Variants in SLCO1B1 observed in about 807,000 individuals in gnomAD.
The protein encoded by SLCO1B1 is OATP-2.
A neutral mutation model predicts 70.1 loss-of-function variants in SLCO1B1; 81 were observed. That is an observed-to-expected ratio of 1.16 (90% CI 0.97 to 1.39). The LOEUF is 1.39. Ranked by LOEUF, SLCO1B1 falls within the 40% of genes most tolerant of loss-of-function variation. The probability of loss-of-function intolerance (pLI) is 0.00; values close to 1 mark genes in which losing one functional copy is unlikely to be tolerated. For synonymous variants in SLCO1B1, 283 were observed against 271.5 expected (o/e 1.04, Z -0.42); for missense variants, 895 against 799.6 (o/e 1.12, Z -1.44).
At chr12:21,210,527 G>T (rs1941270484) in intron 11 of SLCO1B1, among the ~76,000 whole-genome samples, 1 of 118,380 alleles carries the variant, frequency 8.4e-6, no homozygotes, top group Admixed American at 8.2e-5. Context: ...TTTGGCTTAG[G>T]ATTGACTTGG....
intron 1 of SLCO1B1, among the ~76,000 whole-genome samples, chr12:21,137,075 T>C (rs553135041): frequency 2.9e-4 from 44 of 152,318 alleles, no homozygotes; most frequent in African/African-American, 1.1e-3. Flanking sequence ...TGCAGGTCTG[T>C]TAGAGTTTGC....
At chr12:21,215,604 C>CCTATATGCAT (rs2121176822) in intron 11 of SLCO1B1, among the ~76,000 whole-genome samples, 1 of 152,156 alleles carries the variant, frequency 6.6e-6, no homozygotes, top group Admixed American at 6.5e-5. Flanking sequence ...GAATTTTGCA[C>CCTATATGCAT]CTATATGCAT....
At position 21,224,872 on chromosome 12, in the gene SLCO1B1, T is replaced by C. The variant is rs142284263; in HGVS notation, c.1865+33T>C. Reference sequence around the variant, plus strand: ...GTCATAAATATATTTCATTATTTTTTCTTTGACTATATTAATTCCTAAAAA... The same window carrying C: ...GTCATAAATATATTTCATTATTTTTCCTTTGACTATATTAATTCCTAAAAA... On this transcript the variant is annotated intron_variant, in intron 14 of 14. Transcript: ENST00000256958. 704 of 1,134,122 alleles carry C rather than the reference T, an allele frequency of 6.2e-4. 5 individuals are homozygous for C. The African/African-American group carries it at 9.0e-3, about 14-fold the overall frequency. The allele number at this position is 1,134,122 out of a possible 1,614,324, so 70.3% of individuals were successfully genotyped here. A position where few individuals can be genotyped will look rare whatever the true frequency, so the allele number is the denominator to read the frequency against.
intron 2 of SLCO1B1, among the ~76,000 whole-genome samples, chr12:21,159,620 T>C (rs988899098): frequency 6.6e-6 from 1 of 152,186 alleles, no homozygotes; most frequent in Non-Finnish European, 1.5e-5. Context: ...TTGGCATTAT[T>C]TGCTGTGAGT....
At chr12:21,234,823 A>T (rs1941579010) in intron 14 of SLCO1B1, among the ~76,000 whole-genome samples, 1 of 152,198 alleles carries the variant, frequency 6.6e-6, no homozygotes, top group Admixed American at 6.5e-5. Context: ...GGACCAAGTT[A>T]TACAGATTTC....
intron 2 of SLCO1B1, among the ~76,000 whole-genome samples, chr12:21,157,328 A>C (rs1940555435): frequency 1.3e-5 from 2 of 152,254 alleles, no homozygotes; most frequent in South Asian, 4.1e-4. Flanking sequence ...AAAGAAGGAA[A>C]ATATTAGGTA....
In SLCO1B1 at chr12:21,206,116, T is replaced by TA; in HGVS notation, c.1497+85dup. 3 of 1,116,692 alleles carry TA rather than the reference T, an allele frequency of 2.7e-6. No individual in the cohort carries two copies. In the Admixed American group the frequency reaches 5.2e-5, roughly 19 times the overall value. The allele number at this position is 1,116,692 out of a possible 1,614,324, so 69.2% of individuals were successfully genotyped here. On this transcript the variant is annotated intron_variant, in intron 11 of 14. Transcript: ENST00000256958. ...ATTTTTTACCAAATATTTCTGTAACTAAGGACTCCATTAAAAAGATAAAAG... is the reference window on the plus strand; with the variant it reads ...ATTTTTTACCAAATATTTCTGTAACTAAAGGACTCCATTAAAAAGATAAAAG...
At chr12:21,229,523 A>T (rs150484573) in intron 14 of SLCO1B1, among the ~76,000 whole-genome samples, 5 of 152,270 alleles carry the variant, frequency 3.3e-5, no homozygotes, top group African/African-American at 9.6e-5. Flanking sequence ...CATGCATTTA[A>T]ATTTCCTCCA....
chr12:21,136,035 G>A (rs1480021869), intron 1 of SLCO1B1, among the ~76,000 whole-genome samples: 1 of 152,020 alleles, frequency 6.6e-6, no homozygotes, highest in African/African-American at 2.4e-5. Flanking sequence ...GCCTGGTGGT[G>A]ACAAAATCAG....
intron 2 of SLCO1B1, among the ~76,000 whole-genome samples, chr12:21,160,497 GA>G (rs200705323): frequency 2.0e-4 from 29 of 144,922 alleles, no homozygotes; most frequent in East Asian, 1.0e-3. Context: ...TATAAAAAAG[GA>G]AAAAAAAAAT....
At chr12:21,133,311 G>T (rs996217194) in intron 1 of SLCO1B1, among the ~76,000 whole-genome samples, 1 of 152,090 alleles carries the variant, frequency 6.6e-6, no homozygotes, top group Non-Finnish European at 1.5e-5. Context: ...GACTTGGTAT[G>T]CGGGCTCTTT....
chr12:21,145,473 A>ATTTTTTTTTTTTTTTT (rs35334634), intron 2 of SLCO1B1, among the ~76,000 whole-genome samples: 3 of 76,092 alleles, frequency 3.9e-5, no homozygotes, highest in Non-Finnish European at 6.7e-5. Context: ...CATTTTTTTC[A>ATTTTTTTTTTTTTTTT]TTTTTTTTTT....
Position 21,176,795 on chromosome 12 carries a change from A to C in SLCO1B1, c.379A>C (p.Thr127Pro). Reference protein sequence around the residue: ...FMGYYRYSKETNINSSENSTS... With the variant: ...FMGYYRYSKEPNINSSENSTS... ...TTACAGTTACAGGTATTCTAAAGAA[A>C]CTAATATCAATTCATCAGAAAATTC... The change falls in exon 5 of 15, where the codon ACT becomes CCT. Residue 127 changes from threonine (T) to proline (P), a missense_variant. Thr to Pro is a conservative substitution (Grantham distance 38). Coordinates refer to ENST00000256958, the MANE Select transcript of SLCO1B1 (RefSeq NM_006446.5). 6.5e-7 allele frequency: 1 copy of C among 1,540,188 alleles called. No homozygotes were observed.
intron 13 of SLCO1B1, among the ~76,000 whole-genome samples, chr12:21,223,714 T>C (rs748486997): frequency 3.3e-5 from 5 of 150,854 alleles, no homozygotes; most frequent in Admixed American, 6.6e-5. Context: ...CATGGCAAAA[T>C]AAATTCTGAA....
At chr12:21,141,700 G>T (rs961529008) in intron 2 of SLCO1B1, 42 bp downstream of exon 2, 1 of 1,287,230 alleles carries the variant, frequency 7.8e-7, no homozygotes, top group Admixed American at 1.7e-5. Flanking sequence ...TAAGTAAATA[G>T]GGAACTTTAA....
intron 7 of SLCO1B1, 67 bp from the exon 8 acceptor site, chr12:21,196,879 A>G (rs1941097895): frequency 2.0e-6 from 3 of 1,492,294 alleles, no homozygotes; most frequent in South Asian, 1.2e-5. Flanking sequence ...TCTTCATACC[A>G]TTATTTCCCT....
At chr12:21,192,370 T>TTGA (rs759240888) in intron 7 of SLCO1B1, among the ~76,000 whole-genome samples, 35 of 151,960 alleles carry the variant, frequency 2.3e-4, no homozygotes, top group Non-Finnish European at 4.3e-4. Context: ...TATCTAATTT[T>TTGA]TGATGTATAA....
chr12:21,189,186 A>G (rs540820310), intron 7 of SLCO1B1, among the ~76,000 whole-genome samples: 1 of 152,160 alleles, frequency 6.6e-6, no homozygotes, highest in African/African-American at 2.4e-5. Flanking sequence ...AGGAATCTTT[A>G]TAATACCTTT....
At chr12:21,205,172 TA>T (rs1941201025) in intron 10 of SLCO1B1, among the ~76,000 whole-genome samples, 1 of 151,896 alleles carries the variant, frequency 6.6e-6, no homozygotes, top group African/African-American at 2.4e-5. Flanking sequence ...AATAATTTTT[TA>T]AATGTTTAAG....
Sources: gnomAD v4.1 joint callset for allele counts (sites outside exome capture counted in the v4.1 genomes callset) on GRCh38, gnomAD v4.1.1 for gene constraint, MANE v1.5 for transcripts, NCBI Gene and HGNC (gene_info 2026-07-23, HGNC 2026-07-21) for gene names.